Variants in MGAT5 observed in about 807,000 individuals in gnomAD.
MGAT5 encodes the protein alpha-1,6-mannosylglycoprotein 6-beta-N-acetylglucosaminyltransferase, also known as alpha-1,6-mannosylglycoprotein 6-beta-N-acetylglucosaminyltransferase A.
MGAT5 carries 30 observed loss-of-function variants against 94.3 expected under a neutral mutation model. The observed-to-expected ratio is 0.32, with a 90% CI of 0.24 to 0.43. MGAT5 has a LOEUF of 0.43. Among genes scored for constraint, MGAT5 ranks in the 20% least tolerant of loss-of-function variants. The pLI, the probability that MGAT5 is intolerant of heterozygous loss-of-function variation, is 1.00. For missense variants in MGAT5, 691 were observed against 905.5 expected, an observed-to-expected ratio of 0.76 and a Z score of 3.04; for synonymous variants, 310 against 322.9, an observed-to-expected ratio of 0.96 and a Z score of 0.43.
In MGAT5 at chr2:134,185,400, C is replaced by T. The variant is rs970453271; in HGVS notation, c.-143+65109C>T. On this transcript the variant is annotated intron_variant, in intron 1 of 16. Transcript: ENST00000409645. Reference sequence around the variant, plus strand: ...TTCGTGTCTCAGAGAAAATGCTTGACGTTGAGCTGATTACTTTGCTGATTG... The same window carrying T: ...TTCGTGTCTCAGAGAAAATGCTTGATGTTGAGCTGATTACTTTGCTGATTG... Among the ~76,000 whole-genome samples the T allele has an allele frequency of 9.9e-5, 15 of 152,230 alleles. No individual in the cohort carries two copies. In the East Asian group the frequency reaches 2.3e-3, roughly 24 times the overall value.
chr2:134,342,118 A>G (rs1353042574), intron 7 of MGAT5, among the ~76,000 whole-genome samples: 1 of 152,080 alleles, frequency 6.6e-6, no homozygotes, highest in African/African-American at 2.4e-5. Flanking sequence ...CTCAACATCA[A>G]TCTTGCTAAA....
intron 8 of MGAT5, among the ~76,000 whole-genome samples, chr2:134,348,042 G>A (rs1031835990): frequency 2.6e-5 from 4 of 152,196 alleles, no homozygotes; most frequent in East Asian, 1.9e-4. Flanking sequence ...AGCTGCCACC[G>A]TTAACACTGC....
At chr2:134,254,929 C>G (rs1430090344) in intron 1 of MGAT5, among the ~76,000 whole-genome samples, 1 of 152,208 alleles carries the variant, frequency 6.6e-6, no homozygotes, top group East Asian at 1.9e-4. Context: ...GAACACATTT[C>G]AGGAACCATG....
intron 1 of MGAT5, among the ~76,000 whole-genome samples, chr2:134,170,671 C>G (rs1183177542): frequency 6.6e-6 from 1 of 152,016 alleles, no homozygotes; most frequent in East Asian, 1.9e-4. Context: ...TGGATCTGTC[C>G]CTCCCTCCCT....
chr2:134,312,499 C>G (rs1458665127), intron 2 of MGAT5, among the ~76,000 whole-genome samples: 1 of 152,170 alleles, frequency 6.6e-6, no homozygotes, highest in Non-Finnish European at 1.5e-5. Context: ...GTGGCACTTT[C>G]TTTCCTCTTC....
At chr2:134,299,131 C>T (rs1048897826) in intron 2 of MGAT5, among the ~76,000 whole-genome samples, 3 of 152,182 alleles carry the variant, frequency 2.0e-5, no homozygotes, top group African/African-American at 7.2e-5. Flanking sequence ...CATCTGTAGT[C>T]CACAAAATCT....
At chr2:134,286,032 G>A (rs1684980679) in intron 2 of MGAT5, among the ~76,000 whole-genome samples, 1 of 152,062 alleles carries the variant, frequency 6.6e-6, no homozygotes, top group Non-Finnish European at 1.5e-5. Flanking sequence ...TGTTTGCATT[G>A]TTTTGATTAA....
At chr2:134,334,095 G>T (rs1045927100) in intron 4 of MGAT5, among the ~76,000 whole-genome samples, 2 of 152,118 alleles carry the variant, frequency 1.3e-5, no homozygotes, top group Admixed American at 6.6e-5. Flanking sequence ...AGCTAAATTG[G>T]ATTGACTCTA....
At chr2:134,419,722 C>T (rs1023213773) in intron 12 of MGAT5, among the ~76,000 whole-genome samples, 1 of 152,070 alleles carries the variant, frequency 6.6e-6, no homozygotes, top group Non-Finnish European at 1.5e-5. Flanking sequence ...AGCTAAGTAA[C>T]CTTCAGTAAA....
At chr2:134,162,112 T>C (rs1879022) in intron 1 of MGAT5, among the ~76,000 whole-genome samples, 64,065 of 151,476 alleles carry the variant, frequency 0.42, 17,380 homozygotes, top group African/African-American at 0.77. Flanking sequence ...ATTACTTGAA[T>C]CCAGGAAGTG....
intron 4 of MGAT5, among the ~76,000 whole-genome samples, chr2:134,328,460 T>A (rs149382976): frequency 6.6e-6 from 1 of 152,224 alleles, no homozygotes; most frequent in African/African-American, 2.4e-5. Context: ...TTTCTCCTCA[T>A]TGAGGTCAAG....
chr2:134,178,876 C>T (rs1456673393), intron 1 of MGAT5, among the ~76,000 whole-genome samples: 1 of 152,176 alleles, frequency 6.6e-6, no homozygotes, highest in Non-Finnish European at 1.5e-5. Flanking sequence ...TTCCTGTGTG[C>T]TTTATCTGCA....
chr2:134,313,086 ACACACAT>A (rs1384803371), intron 2 of MGAT5, among the ~76,000 whole-genome samples: 10 of 91,120 alleles, frequency 1.1e-4, no homozygotes, highest in African/African-American at 3.8e-4. Context: ...ACACACACAC[ACACACAT>A]ATCTGTCTGG....
intron 12 of MGAT5, 121 bp from the exon 13 acceptor site, chr2:134,422,682 G>A (rs1018301328): frequency 1.1e-5 from 8 of 697,910 alleles, no homozygotes; most frequent in Non-Finnish European, 2.0e-5. Flanking sequence ...TCAAGGGGAA[G>A]GACACAGTGT....
At chr2:134,407,391 C>G (rs907115435) in intron 11 of MGAT5, among the ~76,000 whole-genome samples, 4 of 147,604 alleles carry the variant, frequency 2.7e-5, no homozygotes, top group African/African-American at 1.0e-4. Flanking sequence ...ATCCATGCCT[C>G]CTTCCCTCCC....
Position 134,254,108 on chromosome 2 carries a change from C to T in MGAT5, c.-296C>T, listed in dbSNP as rs898690408. Among the ~76,000 whole-genome samples the T allele has an allele frequency of 6.6e-6, 1 of 152,228 alleles. No homozygotes were observed. Among genetic ancestry groups the T allele is most frequent in the Non-Finnish European group, 1.5e-5 (1 of 68,044 alleles). ...GCTTCTTGTTGCCTAGCCAGATTTC[C>T]CCTCAGCTTACAGTTCCTGAATCAT... is the stretch of plus-strand genomic sequence containing the variant. On this transcript the variant is annotated 5_prime_UTR_variant, in exon 1 of 16. Transcript: ENST00000281923.
intron 4 of MGAT5, among the ~76,000 whole-genome samples, chr2:134,321,328 GC>G (rs1368755185): frequency 6.6e-6 from 1 of 152,200 alleles, no homozygotes. Flanking sequence ...CTAATTTCAT[GC>G]CTTCCTAAGC....
In MGAT5 at chr2:134,453,914, G is replaced by C. The variant is rs907286456; in HGVS notation, c.*5067G>C. 1.3e-5 allele frequency: 2 copies of C among 152,186 alleles called. No individual in the cohort carries two copies. The highest frequency in any genetic ancestry group is 4.8e-5 in the African/African-American group (2 of 41,420). The allele number at this position is 152,186 out of a possible 1,614,324, so 9.4% of individuals were successfully genotyped here. A position where few individuals can be genotyped will look rare whatever the true frequency, so the allele number is the denominator to read the frequency against. On this transcript the variant is annotated 3_prime_UTR_variant, in exon 16 of 16. Coordinates refer to ENST00000281923, the MANE Select transcript of MGAT5 (RefSeq NM_002410.5). ...AGTTTTATCTATCTCCTTATCTCCT[G>C]CCCTGTCTTGGCACAACTCTGGATA...
rs1297069775 is a variant in MGAT5 at position 134,336,274 on chromosome 2, G to A, written c.631G>A (p.Asp211Asn). 1 of 1,612,352 alleles carries A rather than the reference G, an allele frequency of 6.2e-7. No homozygotes were observed. The highest frequency in any genetic ancestry group is 1.1e-5 in the South Asian group (1 of 90,930). ...WRAKNPYEEADHNSLAEIRTD... is the reference protein window; with the variant it reads ...WRAKNPYEEANHNSLAEIRTD... ...AGCAAAAAATCCCTACGAAGAAGCT[G>A]ATCATAATTCATTGGTAAGTGATTT... The change falls in exon 5 of 16, where the codon GAT becomes AAT. Residue 211 changes from aspartate (D) to asparagine (N), a missense_variant. Physicochemically the swap from Asp to Asn is conservative, Grantham distance 23. Transcript: ENST00000281923.
Sources: allele counts gnomAD v4.1 joint callset (sites outside exome capture counted in the v4.1 genomes callset), GRCh38; gene constraint gnomAD v4.1.1; transcripts MANE v1.5; gene names NCBI Gene and HGNC (gene_info 2026-07-23, HGNC 2026-07-21).